SPTAN1: variants seen among roughly 807,000 people sequenced by gnomAD.
SPTAN1 encodes spectrin alpha, non-erythrocytic 1, also known as spectrin alpha chain, non-erythrocytic 1.
A neutral mutation model predicts 331.3 loss-of-function variants in SPTAN1; 61 were observed. That is an observed-to-expected ratio of 0.18 (90% CI 0.15 to 0.23). The LOEUF is 0.23. Ranked by LOEUF, SPTAN1 falls within the 10% of genes least tolerant of loss-of-function variation. The pLI is 1.00. For missense variants in SPTAN1, 2,043 were observed against 3,147.9 expected (o/e 0.65, Z 8.40); for synonymous variants, 1,153 against 1,173.9 (o/e 0.98, Z 0.36).
chr9:128,577,082 T>G lies in SPTAN1; in HGVS notation c.786-47T>G, dbSNP rs1851393761. The G allele has an allele frequency of 6.2e-7, 1 of 1,614,052 alleles. No individual in the cohort carries two copies. On this transcript the variant is annotated intron_variant, in intron 6 of 56. Transcript: ENST00000372739. This position sits in a 1 kb window ranked among gnomAD's most constrained non-coding sequence, Gnocchi z 4.2. The stretch of plus-strand genomic sequence containing the variant: ...TGGTCCCATGGGGTGTTCCTAGTTC[T>G]AGGGAGTCATCATTGCTGTGGATTA...
intron 46 of SPTAN1, chr9:128,624,713 G>A (rs1384726526): frequency 3.3e-6 from 2 of 597,752 alleles, no homozygotes; most frequent in Non-Finnish European, 2.9e-6. Flanking sequence ...ACAAAAGCCT[G>A]TAAACGCTGC....
intron 24 of SPTAN1, among the ~76,000 whole-genome samples, chr9:128,597,110 T>C (rs62586287): frequency 0.75 from 114,086 of 152,014 alleles, 45,504 homozygotes; most frequent in Non-Finnish European, 0.9. Flanking sequence ...CAGTGAGCCA[T>C]GATCACGCCA....
chr9:128,574,942 G>C, intron 4 of SPTAN1, 127 bp downstream of exon 4: 1 of 1,359,362 alleles, frequency 7.4e-7, no homozygotes, highest in Non-Finnish European at 1.0e-6. Flanking sequence ...GTGGAAGTGG[G>C]GTTGCTGTCT....
At chr9:128,563,001 T>TATATATAC (rs1554732582) in intron 1 of SPTAN1, among the ~76,000 whole-genome samples, 3 of 44,064 alleles carry the variant, frequency 6.8e-5, no homozygotes, top group Non-Finnish European at 1.5e-4. Flanking sequence ...TGTATATATA[T>TATATATAC]ATATATATAT....
chr9:128,623,873 G>T (rs962695599), intron 45 of SPTAN1, among the ~76,000 whole-genome samples: 1 of 151,568 alleles, frequency 6.6e-6, no homozygotes, highest in African/African-American at 2.4e-5. Flanking sequence ...ATCACCTGAG[G>T]TCAGGAGTTC....
chr9:128,612,050 T>G, intron 38 of SPTAN1, 59 bp from the exon 39 acceptor site: 1 of 1,613,794 alleles, frequency 6.2e-7, no homozygotes, highest in South Asian at 1.1e-5. Flanking sequence ...AATTGAGCTT[T>G]AGGAGAGGGA....
chr9:128,614,804 C>T (rs1404521859), intron 40 of SPTAN1, among the ~76,000 whole-genome samples: 1 of 152,076 alleles, frequency 6.6e-6, no homozygotes, highest in Non-Finnish European at 1.5e-5. Flanking sequence ...AAAGTGGCCC[C>T]TGAAACCTTG....
In SPTAN1 at chr9:128,604,421, AG is replaced by A. The variant is rs1231835006; in HGVS notation, c.3719+8del. 3 of 1,612,504 alleles carry A rather than the reference AG, an allele frequency of 1.9e-6. No homozygotes were observed. The highest frequency in any genetic ancestry group is 2.2e-5 in the South Asian group (2 of 90,798). ...ATGAAGTACAGAGGTTCCACAGGTG[AG>A]GGGTCAGCCCTGGGCTGGGAGAGGG... is the stretch of plus-strand genomic sequence containing the variant. On this transcript the variant is annotated splice_donor_5th_base_variant and intron_variant, in intron 29 of 56. Coordinates refer to ENST00000372739, the MANE Select transcript of SPTAN1 (RefSeq NM_001130438.3).
At position 128,611,697 on chromosome 9, in the gene SPTAN1, T is replaced by G. The variant is rs1344666495; in HGVS notation, c.4774-17T>G. 1 of 1,613,550 alleles carries G rather than the reference T, an allele frequency of 6.2e-7. No individual in the cohort carries two copies. Among genetic ancestry groups the G allele is most frequent in the Non-Finnish European group, 8.5e-7 (1 of 1,179,978 alleles). ...TAGCAGGAACTGGTTTGGAAAAAAT[T>G]TTTTTGGTATTTTTAGAGCAAGCAC... is the stretch of plus-strand genomic sequence containing the variant. On this transcript the variant is annotated splice_polypyrimidine_tract_variant and intron_variant, in intron 37 of 56. Coordinates refer to ENST00000372739, the MANE Select transcript of SPTAN1 (RefSeq NM_001130438.3).
intron 27 of SPTAN1, among the ~76,000 whole-genome samples, chr9:128,601,000 T>TTTTTTTTTC (rs1855068860): frequency 7.6e-6 from 1 of 132,088 alleles, no homozygotes; most frequent in East Asian, 2.3e-4. Flanking sequence ...TTTTTTTTTT[T>TTTTTTTTTC]TGAGACGGAG....
In SPTAN1 at chr9:128,584,703, A is replaced by G. The variant is rs771122318; in HGVS notation, c.2438-18A>G. 3.1e-6 allele frequency: 5 copies of G among 1,614,062 alleles called. No homozygotes were observed. Among genetic ancestry groups the G allele is most frequent in the Non-Finnish European group, 2.5e-6 (3 of 1,180,046 alleles). On this transcript the variant is annotated intron_variant, in intron 17 of 56. Transcript: ENST00000372739. ...TCTCTTCATGGTTGGATAACTGGGG[A>G]CTGGTGTCTGCTTTCAGGTAAGGAT...
intron 3 of SPTAN1, among the ~76,000 whole-genome samples, chr9:128,571,179 A>G (rs1377586693): frequency 1.3e-5 from 2 of 152,110 alleles, no homozygotes; most frequent in Non-Finnish European, 2.9e-5. Context: ...AGCCCCAGCT[A>G]CTGGGGAGGC....
intron 24 of SPTAN1, among the ~76,000 whole-genome samples, chr9:128,595,035 G>T (rs1282989923): frequency 6.7e-6 from 1 of 149,994 alleles, no homozygotes; most frequent in Non-Finnish European, 1.5e-5. Context: ...GTCTCAAACT[G>T]CTGACCTCAG....
intron 19 of SPTAN1, among the ~76,000 whole-genome samples, chr9:128,587,145 A>C (rs1852757165): frequency 1.3e-5 from 2 of 151,978 alleles, no homozygotes; most frequent in African/African-American, 4.8e-5. Context: ...GAGTACAGTG[A>C]TGCAATCACG....
chr9:128,600,185 G>T, intron 27 of SPTAN1, 70 bp downstream of exon 27: 1 of 1,527,214 alleles, frequency 6.5e-7, no homozygotes, highest in South Asian at 1.1e-5. Flanking sequence ...CTTTTCTGGT[G>T]TGCCTTTCTC....
intron 21 of SPTAN1, 113 bp from the exon 22 acceptor site, chr9:128,591,364 C>G (rs1853494291): frequency 3.5e-6 from 5 of 1,414,316 alleles, no homozygotes; most frequent in Non-Finnish European, 5.0e-6. Context: ...CTGTGGCCGG[C>G]CGTTTTGGAC....
chr9:128,573,267 G>T (rs1019666463), intron 3 of SPTAN1, among the ~76,000 whole-genome samples: 1 of 152,234 alleles, frequency 6.6e-6, no homozygotes, highest in South Asian at 2.1e-4. Flanking sequence ...TCCTTACTGG[G>T]CCTGTGTTAT....
chr9:128,616,894 T>G (rs957195406), intron 41 of SPTAN1, among the ~76,000 whole-genome samples: 1 of 152,178 alleles, frequency 6.6e-6, no homozygotes, highest in Non-Finnish European at 1.5e-5. Context: ...ATCGTGCCAC[T>G]GCACTCCATC....
intron 52 of SPTAN1, among the ~76,000 whole-genome samples, chr9:128,631,223 C>T (rs1047743610): frequency 4.0e-5 from 6 of 149,422 alleles, no homozygotes; most frequent in African/African-American, 9.8e-5. Context: ...TTTGGGAAGC[C>T]GAGGCGGGTG....
Sources: allele counts gnomAD v4.1 joint callset (sites outside exome capture counted in the v4.1 genomes callset), GRCh38; gene constraint gnomAD v4.1.1; non-coding constraint Gnocchi (gnomAD v3.1); transcripts MANE v1.5; gene names NCBI Gene and HGNC (gene_info 2026-07-23, HGNC 2026-07-21).